The following GDAP2 variants were observed in gnomAD, a reference collection of about 807,000 sequenced individuals.
GDAP2 encodes ganglioside induced differentiation associated protein 2.
GDAP2 carries 51 observed loss-of-function variants against 67.0 expected under a neutral mutation model. The ratio of observed to expected loss-of-function variants is 0.76; its 90% CI spans 0.61 to 0.96. GDAP2 has a LOEUF of 0.96. Among genes scored for constraint, GDAP2 ranks in the 40% least tolerant of loss-of-function variants. The probability of loss-of-function intolerance (pLI) is 0.00; values close to 1 mark genes in which losing one functional copy is unlikely to be tolerated. For synonymous variants in GDAP2, 203 were observed against 207.3 expected (o/e 0.98, Z 0.18); for missense variants, 547 against 588.3 (o/e 0.93, Z 0.73).
intron 9 of GDAP2, 147 bp downstream of exon 9, chr1:117,887,551 A>T (rs1372657209): frequency 1.5e-6 from 1 of 645,348 alleles, no homozygotes; most frequent in African/African-American, 1.8e-5. Flanking sequence ...TAAGATCTTG[A>T]TGACAGGCAA....
At position 117,896,911 on chromosome 1, in the gene GDAP2, C is replaced by T; in HGVS notation, c.875G>A (p.Gly292Glu). Residue 292 changes from glycine (G) to glutamate (E), a missense_variant, in exon 8 of 14, where the codon GGA becomes GAA. Physicochemically the swap from Gly to Glu is moderately conservative, Grantham distance 98. Coordinates refer to ENST00000369443, the MANE Select transcript of GDAP2 (RefSeq NM_017686.4). Reference sequence around the variant, plus strand: ...CAGTTTTCTTTGCTTGTCAATATCTCCTTCCATTCGAGCAAAAGCATGAGA... The same window carrying T: ...CAGTTTTCTTTGCTTGTCAATATCTTCTTCCATTCGAGCAAAAGCATGAGA... ...IGSHAFARME[G>E]DIDKQRKLIL... 5 of 1,612,026 alleles carry T rather than the reference C, an allele frequency of 3.1e-6. No homozygotes were observed. The highest frequency in any genetic ancestry group is 4.2e-6 in the Non-Finnish European group (5 of 1,178,306).
intron 4 of GDAP2, 80 bp downstream of exon 4, chr1:117,912,450 A>G: frequency 7.9e-7 from 1 of 1,270,654 alleles, no homozygotes; most frequent in Non-Finnish European, 1.1e-6. Flanking sequence ...TAATCTTTAA[A>G]AACTGGGGCC....
At chr1:117,895,702 G>C (rs886126808) in intron 8 of GDAP2, among the ~76,000 whole-genome samples, 2 of 152,134 alleles carry the variant, frequency 1.3e-5, no homozygotes, top group African/African-American at 4.8e-5. Flanking sequence ...GCTGTTCCTT[G>C]GTGCCCCCTA....
intron 10 of GDAP2, among the ~76,000 whole-genome samples, chr1:117,884,236 G>A (rs1387768405): frequency 6.6e-6 from 1 of 152,152 alleles, no homozygotes; most frequent in Non-Finnish European, 1.5e-5. Flanking sequence ...AGGTTGGGAA[G>A]CATTTCTAGA....
intron 6 of GDAP2, among the ~76,000 whole-genome samples, chr1:117,902,085 T>A (rs1242573476): frequency 6.6e-6 from 1 of 152,186 alleles, no homozygotes; most frequent in Non-Finnish European, 1.5e-5. Context: ...CTACTGTTCC[T>A]CCCGTGGCCC....
At position 117,920,320 on chromosome 1, in the gene GDAP2, A is replaced by G. The variant is rs942379945; in HGVS notation, c.38T>C (p.Val13Ala). ...GTCACCCCAGCTTGGTAGTGTATCC[A>G]CATCCACAAACTGGGAAGGTGCACC... ...PLGAPSQFVD[V>A]DTLPSWGDSC... Residue 13 changes from valine to alanine, a missense_variant, in exon 2 of 14, where the codon GTG (valine) becomes GCG (alanine). Val to Ala is a moderately conservative substitution (Grantham distance 64, BLOSUM62 0). Coordinates refer to ENST00000369443, the MANE Select transcript of GDAP2 (RefSeq NM_017686.4). 5 of 1,607,604 alleles carry G rather than the reference A, an allele frequency of 3.1e-6. No individual in the cohort carries two copies. Among genetic ancestry groups the G allele is most frequent in the Non-Finnish European group, 4.2e-6 (5 of 1,177,036 alleles).
At chr1:117,877,589 T>C in intron 13 of GDAP2, 2 of 984,124 alleles carry the variant, frequency 2.0e-6, no homozygotes, top group Non-Finnish European at 2.4e-6. Flanking sequence ...AATGAAACTT[T>C]TAGCAGGGTA....
At chr1:117,900,450 G>C (rs1649411442) in intron 6 of GDAP2, among the ~76,000 whole-genome samples, 1 of 152,052 alleles carries the variant, frequency 6.6e-6, no homozygotes, top group Non-Finnish European at 1.5e-5. Context: ...CTATGAATTT[G>C]CCTATTTTTG....
chr1:117,892,313 C>G (rs917780241), intron 8 of GDAP2, among the ~76,000 whole-genome samples: 3 of 151,986 alleles, frequency 2.0e-5, no homozygotes, highest in African/African-American at 7.2e-5. Context: ...TTTTTCTAAA[C>G]TTCATTATTC....
At chr1:117,893,483 T>C (rs1649159195) in intron 8 of GDAP2, among the ~76,000 whole-genome samples, 1 of 152,180 alleles carries the variant, frequency 6.6e-6, no homozygotes, top group African/African-American at 2.4e-5. Context: ...ATGTGACCTT[T>C]AGTTTCGCTA....
At chr1:117,875,969 G>A (rs1421403397) in intron 13 of GDAP2, among the ~76,000 whole-genome samples, 1 of 152,146 alleles carries the variant, frequency 6.6e-6, no homozygotes, top group Non-Finnish European at 1.5e-5. Flanking sequence ...TTCTGAGTTG[G>A]TGCTGGAACA....
intron 6 of GDAP2, among the ~76,000 whole-genome samples, chr1:117,906,050 T>A (rs1649645449): frequency 6.6e-6 from 1 of 152,200 alleles, no homozygotes; most frequent in Non-Finnish European, 1.5e-5. Context: ...TCTAAAATGG[T>A]TTGAAATTAA....
rs187353157 is a variant in GDAP2 at position 117,891,820 on chromosome 1, A to G, written c.954-4046T>C. On this transcript the variant is annotated intron_variant, in intron 8 of 13. Transcript: ENST00000369443. ...TCCCTTTCTCTAAGGTTTGAAGGAT[A>G]CTAGCTTAACTTCTTCCACAGGTTT... Among the ~76,000 whole-genome samples, 154 of 152,244 alleles carry G rather than the reference A, an allele frequency of 1.0e-3. 2 individuals carry two copies. Among genetic ancestry groups the G allele is most frequent in the Non-Finnish European group, 2.5e-4 (17 of 67,994 alleles).
intron 13 of GDAP2, among the ~76,000 whole-genome samples, chr1:117,876,326 C>T (rs1285722370): frequency 6.6e-6 from 1 of 152,138 alleles, no homozygotes; most frequent in Non-Finnish European, 1.5e-5. Context: ...ATACTGGTTT[C>T]CCTTCCCCTT....
At position 117,865,571 on chromosome 1, in the gene GDAP2, G is replaced by A. The variant is rs574007462; in HGVS notation, c.*4998C>T. The A allele has an allele frequency of 6.6e-6, 1 of 152,090 alleles. No homozygotes were observed. The highest frequency in any genetic ancestry group is 2.4e-5 in the African/African-American group (1 of 41,470). The allele number at this position is 152,090 out of a possible 1,614,324, so 9.4% of individuals were successfully genotyped here. The stretch of plus-strand genomic sequence containing the variant: ...TCCTGTCTCAGTCTGTGATGACTGT[G>A]TGCTTACGTTAACGAAACACATTAC... On this transcript the variant is annotated 3_prime_UTR_variant, in exon 14 of 14. Transcript: ENST00000369443.
intron 3 of GDAP2, among the ~76,000 whole-genome samples, chr1:117,917,954 G>T (rs1487018511): frequency 6.6e-6 from 1 of 152,010 alleles, no homozygotes; most frequent in African/African-American, 2.4e-5. Flanking sequence ...TCAGTTTCTG[G>T]ATCAAAAAAT....
At chr1:117,887,877 G>C (rs1439460882) in intron 8 of GDAP2, 103 bp from the exon 9 acceptor site, 2 of 673,264 alleles carry the variant, frequency 3.0e-6, no homozygotes, top group East Asian at 2.7e-5. Context: ...AAATTTTCAA[G>C]TATATATTTC....
At chr1:117,902,359 A>T (rs1272572973) in intron 6 of GDAP2, among the ~76,000 whole-genome samples, 1 of 152,162 alleles carries the variant, frequency 6.6e-6, no homozygotes, top group Non-Finnish European at 1.5e-5. Flanking sequence ...TTGGTGCCAT[A>T]TCTAATAAAC....
chr1:117,915,075 T>C (rs1402729366), intron 3 of GDAP2, among the ~76,000 whole-genome samples: 2 of 152,068 alleles, frequency 1.3e-5, no homozygotes, highest in African/African-American at 4.8e-5. Context: ...AAAAATGGAA[T>C]GTAAGGGTCA....
Sources: gnomAD v4.1 joint callset for allele counts (sites outside exome capture counted in the v4.1 genomes callset) on GRCh38, gnomAD v4.1.1 for gene constraint, MANE v1.5 for transcripts, NCBI Gene and HGNC (gene_info 2026-07-23, HGNC 2026-07-21) for gene names.